SLC15A4: variants seen among roughly 807,000 people sequenced by gnomAD.
The protein encoded by SLC15A4 is solute carrier family 15 member 4.
A neutral mutation model predicts 46.1 loss-of-function variants in SLC15A4; 26 were observed. The ratio of observed to expected loss-of-function variants is 0.56; its 90% CI spans 0.41 to 0.78. The LOEUF (loss-of-function observed/expected upper bound fraction) is 0.78, where lower values mean the gene tolerates loss of function less well. Among genes scored for constraint, SLC15A4 ranks in the 30% least tolerant of loss-of-function variants. The pLI, the probability that SLC15A4 is intolerant of heterozygous loss-of-function variation, is 0.00. For synonymous variants in SLC15A4, 370 were observed against 333.4 expected (o/e 1.11, Z -1.20); for missense variants, 751 against 755.7 (o/e 0.99, Z 0.07).
intron 5 of SLC15A4, chr12:128,801,379 T>TA (rs1955517376): frequency 5.9e-6 from 1 of 169,280 alleles, no homozygotes; most frequent in Non-Finnish European, 1.3e-5. Context: ...ACAGTAGTGC[T>TA]ATTTTACCCA....
intron 1 of SLC15A4, among the ~76,000 whole-genome samples, chr12:128,820,337 T>G (rs569465634): frequency 6.6e-6 from 1 of 152,238 alleles, no homozygotes; most frequent in Admixed American, 6.5e-5. Flanking sequence ...TCTGTTTTTG[T>G]GCCTGTTTCC....
chr12:128,815,514 C>T (rs11059931), intron 1 of SLC15A4: 96,956 of 164,094 alleles, frequency 0.59, 28,996 homozygotes, highest in Non-Finnish European at 0.64. Flanking sequence ...GGTGAAACAC[C>T]GTCTCTACTA....
At chr12:128,804,933 C>T (rs987004817) in intron 5 of SLC15A4, among the ~76,000 whole-genome samples, 18 of 152,112 alleles carry the variant, frequency 1.2e-4, no homozygotes, top group Non-Finnish European at 2.2e-4. Flanking sequence ...CAAAAACAAC[C>T]GCAGACGAAG....
chr12:128,821,476 G>A (rs1955836608), intron 1 of SLC15A4, among the ~76,000 whole-genome samples: 1 of 152,224 alleles, frequency 6.6e-6, no homozygotes, highest in Non-Finnish European at 1.5e-5. Flanking sequence ...CAGTGTAGTG[G>A]CTGTGTTGCA....
chr12:128,798,921 C>T (rs532705951), intron 7 of SLC15A4, among the ~76,000 whole-genome samples: 5 of 152,144 alleles, frequency 3.3e-5, no homozygotes, highest in African/African-American at 9.7e-5. Flanking sequence ...AGCTGCCTCA[C>T]GAAGACTGAG....
chr12:128,809,853 TCCTA>T (rs912469505), intron 3 of SLC15A4, 86 bp downstream of exon 3: 1 of 1,339,926 alleles, frequency 7.5e-7, no homozygotes, highest in African/African-American at 1.5e-5. Context: ...AATCACCTAG[TCCTA>T]CCTACTTTAG....
chr12:128,820,673 G>A (rs1484418447), intron 1 of SLC15A4, among the ~76,000 whole-genome samples: 1 of 152,126 alleles, frequency 6.6e-6, no homozygotes, highest in African/African-American at 2.4e-5. Context: ...TAGTCGTGTA[G>A]ACATGTAGAC....
intron 2 of SLC15A4, chr12:128,813,776 A>G (rs1306346298): frequency 6.6e-6 from 1 of 152,258 alleles, no homozygotes; most frequent in Non-Finnish European, 1.5e-5. Context: ...GGGACTGACT[A>G]CAAAAGGTCC....
chr12:128,802,875 G>A (rs939472978), intron 5 of SLC15A4, among the ~76,000 whole-genome samples: 4 of 152,176 alleles, frequency 2.6e-5, no homozygotes, highest in South Asian at 2.1e-4. Context: ...GATGAGCAGC[G>A]GCAAAGGCGC....
rs200759502 is a variant in SLC15A4 at position 128,794,150 on chromosome 12, G to A, written c.*46C>T. ...GCCTGTTCTCAGTGCACCCCAGTCA[G>A]TTACTGACATGTCAGCCTCAGAAAC... On this transcript the variant is annotated 3_prime_UTR_variant, in exon 8 of 8. Transcript: ENST00000266771. The A allele has an allele frequency of 5.2e-4, 809 of 1,563,152 alleles. 6 individuals carry two copies. The highest frequency in any genetic ancestry group is 9.6e-5 in the Admixed American group (5 of 51,996).
rs1234125676 is a variant in SLC15A4 at position 128,814,994 on chromosome 12, A to G, written c.623T>C (p.Leu208Pro). 1 of 1,614,208 alleles carries G rather than the reference A, an allele frequency of 6.2e-7. No individual in the cohort carries two copies. The part of the protein sequence containing the change: ...FYWSINLGAI[L>P]SLGGIAYIQQ... ...AATATAGGCAATGCCACCTAACGAC[A>G]GGATCGCTCCCAGGTTAATGCTCCA... Residue 208 changes from leucine (L) to proline (P), a missense_variant, in exon 2 of 8, where the codon CTG becomes CCG. Leu to Pro is a moderately conservative substitution (Grantham distance 98, BLOSUM62 -3). Coordinates refer to ENST00000266771, the MANE Select transcript of SLC15A4 (RefSeq NM_145648.4).
At chr12:128,823,129 C>T (rs977711322) in intron 1 of SLC15A4, among the ~76,000 whole-genome samples, 6 of 152,206 alleles carry the variant, frequency 3.9e-5, no homozygotes, top group Non-Finnish European at 8.8e-5. Context: ...TGAGCCACCG[C>T]GCCCGGCCTC....
At chr12:128,823,321 G>T in intron 1 of SLC15A4, 77 bp downstream of exon 1, 1 of 1,279,566 alleles carries the variant, frequency 7.8e-7, no homozygotes, top group South Asian at 1.9e-5. Flanking sequence ...CAGAGGCAGG[G>T]ACTGGGGCAG....
At position 128,810,440 on chromosome 12, in the gene SLC15A4, G is replaced by A. The variant is rs540045447; in HGVS notation, c.843-329C>T. 29 of 310,302 alleles carry A rather than the reference G, an allele frequency of 9.3e-5. No homozygotes were observed. In the East Asian group the frequency reaches 1.4e-3, roughly 15 times the overall value. The allele number at this position is 310,302 out of a possible 1,614,324, so 19.2% of individuals were successfully genotyped here. A position where few individuals can be genotyped will look rare whatever the true frequency, so the allele number is the denominator to read the frequency against. ...CGCAGCTGCCAGCTCGGCAATCTCC[G>A]TGTGGGGAGAGTCTGCAGCTCTACG... is the stretch of plus-strand genomic sequence containing the variant. On this transcript the variant is annotated intron_variant, in intron 2 of 7. Coordinates refer to ENST00000266771, the MANE Select transcript of SLC15A4 (RefSeq NM_145648.4).
intron 5 of SLC15A4, 27 bp from the exon 6 acceptor site, chr12:128,801,036 A>G (rs1208876738): frequency 6.4e-7 from 1 of 1,558,284 alleles, no homozygotes. Flanking sequence ...GGTTAGTGTA[A>G]TATTCATTTA....
intron 1 of SLC15A4, among the ~76,000 whole-genome samples, chr12:128,817,149 C>T (rs1048708230): frequency 6.6e-6 from 1 of 152,192 alleles, no homozygotes; most frequent in African/African-American, 2.4e-5. Context: ...AAACTTTTCT[C>T]TTATCTATTA....
At chr12:128,818,997 G>A (rs986651817) in intron 1 of SLC15A4, among the ~76,000 whole-genome samples, 21 of 152,242 alleles carry the variant, frequency 1.4e-4, no homozygotes, top group African/African-American at 5.1e-4. Flanking sequence ...ACATTCATCA[G>A]TGAACATTTT....
Sources: allele counts gnomAD v4.1 joint callset (sites outside exome capture counted in the v4.1 genomes callset), GRCh38; gene constraint gnomAD v4.1.1; transcripts MANE v1.5; gene names NCBI Gene and HGNC (gene_info 2026-07-23, HGNC 2026-07-21).